RAB22A: variants seen among roughly 807,000 people sequenced by gnomAD.
RAB22A encodes the protein ras-related protein Rab-22A.
A neutral mutation model predicts 30.2 loss-of-function variants in RAB22A; 13 were observed. The ratio of observed to expected loss-of-function variants is 0.43; its 90% CI spans 0.28 to 0.68. RAB22A has a LOEUF of 0.68. Among genes scored for constraint, RAB22A ranks in the 30% least tolerant of loss-of-function variants. RAB22A has a pLI of 0.18. For missense variants in RAB22A, 177 were observed against 246.8 expected (o/e 0.72, Z 1.89); for synonymous variants, 89 against 87.2 (o/e 1.02, Z -0.11).
At chr20:58,315,819 G>C (rs569251606) in intron 2 of RAB22A, among the ~76,000 whole-genome samples, 12 of 152,196 alleles carry the variant, frequency 7.9e-5, no homozygotes, top group African/African-American at 2.4e-4. Context: ...GCTGATTTCA[G>C]AACCAGTTAT....
chr20:58,329,591 C>T (rs566530383), intron 2 of RAB22A, among the ~76,000 whole-genome samples: 7 of 152,194 alleles, frequency 4.6e-5, no homozygotes, highest in South Asian at 2.1e-4. Flanking sequence ...GTGTAATATA[C>T]TCTGGGTTCA....
At chr20:58,341,637 A>C (rs905574346) in intron 2 of RAB22A, among the ~76,000 whole-genome samples, 1 of 152,094 alleles carries the variant, frequency 6.6e-6, no homozygotes, top group Admixed American at 6.5e-5. Flanking sequence ...TCAGACAGGG[A>C]GTTAGATTTA....
intron 1 of RAB22A, 105 bp downstream of exon 1, chr20:58,310,117 C>A (rs1297895018): frequency 5.4e-6 from 6 of 1,114,862 alleles, no homozygotes; most frequent in Non-Finnish European, 6.8e-6. Context: ...ACGTCCAAGA[C>A]GCTGTCTGCC....
At chr20:58,338,157 G>C (rs1003585738) in intron 2 of RAB22A, among the ~76,000 whole-genome samples, 1 of 151,888 alleles carries the variant, frequency 6.6e-6, no homozygotes. Context: ...CTCCTGAGTA[G>C]CTAGGATTAC....
chr20:58,348,247 C>G (rs117139614), intron 3 of RAB22A, among the ~76,000 whole-genome samples: 2,318 of 152,162 alleles, frequency 0.015, 25 homozygotes, highest in Non-Finnish European at 0.02. Flanking sequence ...AGCTTCCTAA[C>G]CAGAGTCTAA....
At chr20:58,336,518 T>G (rs1421207554) in intron 2 of RAB22A, among the ~76,000 whole-genome samples, 1 of 152,178 alleles carries the variant, frequency 6.6e-6, no homozygotes, top group Non-Finnish European at 1.5e-5. Flanking sequence ...AAAAGTATTT[T>G]ATTGTCTCTT....
chr20:58,351,809 G>A (rs537243620), intron 3 of RAB22A, among the ~76,000 whole-genome samples: 6 of 152,304 alleles, frequency 3.9e-5, no homozygotes, highest in Non-Finnish European at 8.8e-5. Flanking sequence ...GCGAAACTCC[G>A]TCTCAATGGT....
intron 3 of RAB22A, among the ~76,000 whole-genome samples, chr20:58,351,765 A>T (rs1987054600): frequency 6.6e-6 from 1 of 152,262 alleles, no homozygotes; most frequent in South Asian, 2.1e-4. Flanking sequence ...GTGAGCCGAG[A>T]TCACGCCATT....
chr20:58,354,505 G>A (rs1397218643), intron 6 of RAB22A, among the ~76,000 whole-genome samples: 1 of 152,134 alleles, frequency 6.6e-6, no homozygotes, highest in Non-Finnish European at 1.5e-5. Context: ...AGGGTACTGA[G>A]GTCATGAAAG....
At chr20:58,315,104 A>C (rs540941050) in intron 2 of RAB22A, among the ~76,000 whole-genome samples, 91 of 152,228 alleles carry the variant, frequency 6.0e-4, no homozygotes, top group African/African-American at 2.1e-3. Context: ...GGAGGAGCCG[A>C]CATCACTTAC....
At chr20:58,344,582 C>G (rs1488261532) in intron 3 of RAB22A, among the ~76,000 whole-genome samples, 1 of 152,208 alleles carries the variant, frequency 6.6e-6, no homozygotes, top group Admixed American at 6.5e-5. Flanking sequence ...CATTATTCAG[C>G]TGCCGTTTAA....
intron 2 of RAB22A, among the ~76,000 whole-genome samples, chr20:58,319,525 G>C (rs1986411710): frequency 6.6e-6 from 1 of 152,106 alleles, no homozygotes; most frequent in African/African-American, 2.4e-5. Context: ...TTTCATGTCT[G>C]GCTCCTCTGG....
intron 2 of RAB22A, among the ~76,000 whole-genome samples, chr20:58,341,326 A>C (rs1986850158): frequency 6.6e-6 from 1 of 152,184 alleles, no homozygotes; most frequent in Non-Finnish European, 1.5e-5. Context: ...AAAGCGTAGA[A>C]TCTTCATGGC....
intron 2 of RAB22A, among the ~76,000 whole-genome samples, chr20:58,330,307 A>G (rs1050407826): frequency 1.3e-5 from 2 of 152,126 alleles, no homozygotes; most frequent in East Asian, 1.9e-4. Context: ...GTTCTTTTAT[A>G]TATTTTACAT....
chr20:58,356,824 A>G (rs570395449), intron 6 of RAB22A, among the ~76,000 whole-genome samples: 3 of 152,154 alleles, frequency 2.0e-5, no homozygotes, highest in Non-Finnish European at 2.9e-5. Flanking sequence ...ATCCACTCTC[A>G]TGGCTGGTTT....
In RAB22A at chr20:58,353,543, GTTA is replaced by G. The variant is rs1484261443; in HGVS notation, c.377+9_377+11del. On this transcript the variant is annotated splice_donor_region_variant and intron_variant, in intron 5 of 6. Coordinates refer to ENST00000244040, the MANE Select transcript of RAB22A (RefSeq NM_020673.3). ...ATGTGATCTTATCGATGTAAGGTAA[GTTA>G]TTAGAACGAGAGATTACAATACCTA... is the stretch of plus-strand genomic sequence containing the variant. 3 of 1,571,306 alleles carry G rather than the reference GTTA, an allele frequency of 1.9e-6. No individual in the cohort carries two copies. In the East Asian group the frequency reaches 6.7e-5, roughly 35 times the overall value.
chr20:58,309,928 C>T lies in RAB22A; in HGVS notation c.-49C>T, dbSNP rs1986186196. On this transcript the variant is annotated 5_prime_UTR_variant, in exon 1 of 7. Coordinates refer to ENST00000244040, the MANE Select transcript of RAB22A (RefSeq NM_020673.3). The stretch of plus-strand genomic sequence containing the variant: ...ATGCTCTTGCTGGGCCTGGCCTCTC[C>T]CTTCTCAACTTAGGGCGGCGGCGGG... 2.4e-6 allele frequency: 3 copies of T among 1,255,630 alleles called. No homozygotes were observed. Among genetic ancestry groups the T allele is most frequent in the Admixed American group, 4.2e-5 (1 of 23,744 alleles). 77.8% of individuals were successfully genotyped at this position (1,255,630 alleles called of 1,614,324 possible).
At chr20:58,331,305 T>TA (rs1986656818) in intron 2 of RAB22A, among the ~76,000 whole-genome samples, 1 of 152,162 alleles carries the variant, frequency 6.6e-6, no homozygotes, top group African/African-American at 2.4e-5. Context: ...GTGTTTTTTT[T>TA]AATCTTCGTA....
chr20:58,347,268 T>G (rs568579611), intron 3 of RAB22A, among the ~76,000 whole-genome samples: 1 of 152,218 alleles, frequency 6.6e-6, no homozygotes, highest in Non-Finnish European at 1.5e-5. Context: ...CCAGCTACGT[T>G]TGATTGCAAA....
Sources: allele counts gnomAD v4.1 joint callset (sites outside exome capture counted in the v4.1 genomes callset), GRCh38; gene constraint gnomAD v4.1.1; transcripts MANE v1.5; gene names NCBI Gene and HGNC (gene_info 2026-07-23, HGNC 2026-07-21).